ARMH4: variants seen among roughly 807,000 people sequenced by gnomAD.
ARMH4 encodes armadillo-like helical domain-containing protein 4.
In ARMH4, 49 loss-of-function variants were observed where a neutral mutation model predicts 61.9. That is an observed-to-expected ratio of 0.79 (90% confidence interval 0.63 to 1.00). The LOEUF is 1.00. Among genes scored for constraint, ARMH4 ranks in the 50% least tolerant of loss-of-function variants. ARMH4 has a pLI of 0.00. For missense variants in ARMH4, 934 were observed against 930.0 expected (o/e 1.00, Z -0.06); for synonymous variants, 368 against 341.5 (o/e 1.08, Z -0.85).
chr14:58,149,444 C>T (rs918754182), intron 1 of ARMH4, among the ~76,000 whole-genome samples: 16 of 152,106 alleles, frequency 1.1e-4, no homozygotes, highest in African/African-American at 3.9e-4. Context: ...GGAAAGCAGC[C>T]CCAGAGCTGG....
At chr14:58,045,265 T>G (rs969076951) in intron 5 of ARMH4, among the ~76,000 whole-genome samples, 1 of 152,132 alleles carries the variant, frequency 6.6e-6, no homozygotes, top group Admixed American at 6.5e-5. Context: ...ATATACACCA[T>G]GGAATACTAT....
chr14:58,032,890 C>G (rs998414140), intron 5 of ARMH4, among the ~76,000 whole-genome samples: 1 of 151,938 alleles, frequency 6.6e-6, no homozygotes, highest in Non-Finnish European at 1.5e-5. Flanking sequence ...ACACCTGGCT[C>G]GGAGGGTCCT....
intron 4 of ARMH4, among the ~76,000 whole-genome samples, chr14:58,101,759 AC>A (rs1306529445): frequency 6.6e-6 from 1 of 152,184 alleles, no homozygotes; most frequent in Non-Finnish European, 1.5e-5. Flanking sequence ...AAGCCCAGAC[AC>A]CATGGACATG....
Position 58,132,622 on chromosome 14 carries a change from T to A in ARMH4, c.1621+468A>T, listed in dbSNP as rs114841417. ...TTTTTTTTGGCACGGAGTCTCGCTC[T>A]GTCACCAAGCCGGAGTGCAGTGGCG... On this transcript the variant is annotated intron_variant, in intron 3 of 7. Coordinates refer to ENST00000267485, the MANE Select transcript of ARMH4 (RefSeq NM_001001872.4). 8.5e-3 allele frequency among the ~76,000 whole-genome samples: 1,160 copies of A among 136,742 alleles called. 19 individuals are homozygous for A. Among genetic ancestry groups the A allele is most frequent in the African/African-American group, 0.03 (1,102 of 36,812 alleles). 89.7% of individuals were successfully genotyped at this position (136,742 alleles called of 152,430 possible). A position where few individuals can be genotyped will look rare whatever the true frequency, so the allele number is the denominator to read the frequency against.
chr14:58,007,664 G>A (rs1160912755), intron 6 of ARMH4, among the ~76,000 whole-genome samples: 2 of 152,182 alleles, frequency 1.3e-5, no homozygotes, highest in Non-Finnish European at 2.9e-5. Flanking sequence ...AATTGCTCAT[G>A]ACTTGATTTC....
At chr14:58,039,834 G>C (rs1333331778) in intron 5 of ARMH4, among the ~76,000 whole-genome samples, 1 of 152,168 alleles carries the variant, frequency 6.6e-6, no homozygotes, top group African/African-American at 2.4e-5. Flanking sequence ...GGATAGCTGG[G>C]TATCATGTAG....
intron 5 of ARMH4, among the ~76,000 whole-genome samples, chr14:58,049,440 C>A (rs1056548272): frequency 1.3e-5 from 2 of 152,112 alleles, no homozygotes; most frequent in African/African-American, 2.4e-5. Flanking sequence ...CCAAAAGTAA[C>A]ATGTATTTTA....
At chr14:58,130,683 C>A (rs1278339126) in intron 4 of ARMH4, among the ~76,000 whole-genome samples, 1 of 152,140 alleles carries the variant, frequency 6.6e-6, no homozygotes, top group Non-Finnish European at 1.5e-5. Context: ...TTGGAAAGTA[C>A]AATTTGGCAT....
intron 5 of ARMH4, among the ~76,000 whole-genome samples, chr14:58,039,546 CT>C (rs1205603233): frequency 6.6e-6 from 1 of 152,170 alleles, no homozygotes; most frequent in Non-Finnish European, 1.5e-5. Flanking sequence ...CCCATTAACT[CT>C]TTGCCATTTA....
At chr14:58,012,026 A>G in intron 6 of ARMH4, 93 bp downstream of exon 6, 1 of 899,260 alleles carries the variant, frequency 1.1e-6, no homozygotes, top group South Asian at 1.6e-5. Context: ...GAATCAGAAT[A>G]ATAAACCAAA....
chr14:58,048,674 G>A (rs1486976288), intron 5 of ARMH4, among the ~76,000 whole-genome samples: 2 of 152,080 alleles, frequency 1.3e-5, no homozygotes, highest in Non-Finnish European at 2.9e-5. Context: ...GTTGAAAACA[G>A]GAAGGAAAAA....
chr14:58,088,157 A>G (rs1339528365), intron 5 of ARMH4, among the ~76,000 whole-genome samples: 2 of 152,236 alleles, frequency 1.3e-5, no homozygotes, highest in Non-Finnish European at 2.9e-5. Context: ...ATATAAATAC[A>G]TAAGAGGAAA....
At chr14:58,117,555 G>GT (rs1886571571) in intron 4 of ARMH4, among the ~76,000 whole-genome samples, 1 of 152,102 alleles carries the variant, frequency 6.6e-6, no homozygotes, top group African/African-American at 2.4e-5. Context: ...TTGAAAGCAG[G>GT]TATTTCACCT....
At chr14:58,094,284 C>T (rs1885673582) in intron 5 of ARMH4, among the ~76,000 whole-genome samples, 2 of 148,616 alleles carry the variant, frequency 1.3e-5, no homozygotes, top group East Asian at 2.0e-4. Flanking sequence ...GAGTCGAGAT[C>T]GCCCCACTAC....
At chr14:58,087,276 T>C (rs527969949) in intron 5 of ARMH4, among the ~76,000 whole-genome samples, 38 of 152,312 alleles carry the variant, frequency 2.5e-4, no homozygotes, top group African/African-American at 8.9e-4. Context: ...CTACTTATAG[T>C]ATTGCTTCTG....
chr14:58,140,709 T>C (rs1406422375), intron 1 of ARMH4, among the ~76,000 whole-genome samples: 1 of 152,100 alleles, frequency 6.6e-6, no homozygotes, highest in Non-Finnish European at 1.5e-5. Flanking sequence ...AAGACCAGCC[T>C]GGCCAACATG....
intron 4 of ARMH4, among the ~76,000 whole-genome samples, chr14:58,113,372 A>G (rs2141290634): frequency 6.6e-6 from 1 of 152,272 alleles, no homozygotes. Context: ...ACTGGTGATG[A>G]TTAGAATCTA....
intron 2 of ARMH4, among the ~76,000 whole-genome samples, chr14:58,134,136 C>G (rs899978953): frequency 2.6e-5 from 4 of 152,054 alleles, no homozygotes; most frequent in African/African-American, 9.7e-5. Context: ...CAATAATTAC[C>G]AGCTATTATA....
In ARMH4 at chr14:58,063,354, A is replaced by G. The variant is rs76391021; in HGVS notation, c.2089+33370T>C. ...ATATATGAAGACTTTATTTCCAACTAAGGTCATACTCACAAGACCCCAGGG... is the reference window on the plus strand; with the variant it reads ...ATATATGAAGACTTTATTTCCAACTGAGGTCATACTCACAAGACCCCAGGG... On this transcript the variant is annotated intron_variant, in intron 5 of 7. Transcript: ENST00000267485. Among the ~76,000 whole-genome samples, 396 of 152,260 alleles carry G rather than the reference A, an allele frequency of 2.6e-3. 13 individuals are homozygous for G. The East Asian group carries it at 0.055, about 21-fold the overall frequency.
Sources: gnomAD v4.1 joint callset for allele counts (sites outside exome capture counted in the v4.1 genomes callset) on GRCh38, gnomAD v4.1.1 for gene constraint, MANE v1.5 for transcripts, NCBI Gene and HGNC (gene_info 2026-07-23, HGNC 2026-07-21) for gene names.